CCDC7: variants seen among roughly 807,000 people sequenced by gnomAD.
CCDC7 encodes coiled-coil domain containing 7, also known as coiled-coil domain-containing protein 7.
CCDC7 carries 183 observed loss-of-function variants against 196.9 expected under a neutral mutation model. The ratio of observed to expected loss-of-function variants is 0.93; its 90% CI spans 0.82 to 1.05. The LOEUF is 1.05. Ranked by LOEUF, CCDC7 falls within the 50% of genes least tolerant of loss-of-function variation. The probability of loss-of-function intolerance (pLI) is 0.00; values close to 1 mark genes in which losing one functional copy is unlikely to be tolerated. For synonymous variants in CCDC7, 525 were observed against 484.6 expected (o/e 1.08, Z -1.10); for missense variants, 1,540 against 1,482.2 (o/e 1.04, Z -0.64).
chr10:32,782,223 T>TG (rs1364180146), intron 29 of CCDC7, among the ~76,000 whole-genome samples: 6 of 22,666 alleles, frequency 2.6e-4, no homozygotes, highest in African/African-American at 3.1e-4. Flanking sequence ...AACTTGTTTT[T>TG]TTTTTGTTTT....
chr10:32,727,000 T>C (rs1184562823), intron 26 of CCDC7, among the ~76,000 whole-genome samples, 168 bp downstream of exon 27: 1 of 152,128 alleles, frequency 6.6e-6, no homozygotes, highest in Non-Finnish European at 1.5e-5. Flanking sequence ...AATGTTAACT[T>C]CATGTTGGAG....
At chr10:32,533,218 T>A (rs537538209) in intron 11 of CCDC7, among the ~76,000 whole-genome samples, 2 of 138,150 alleles carry the variant, frequency 1.4e-5, no homozygotes, top group Non-Finnish European at 1.6e-5. Context: ...TTATCTTTAA[T>A]CCCAAATAAA....
intron 13 of CCDC7, among the ~76,000 whole-genome samples, chr10:32,553,036 T>A (rs1008059063): frequency 7.2e-5 from 11 of 151,782 alleles, no homozygotes; most frequent in Admixed American, 5.2e-4. Context: ...TAGAATTCTC[T>A]TCTTCCTCAG....
chr10:32,851,855 C>G, exon 40 of CCDC7: 1 of 1,612,494 alleles, frequency 6.2e-7, no homozygotes, highest in Non-Finnish European at 8.5e-7. Context: ...CCTTCAAAAG[C>G]AATTTATAGA....
chr10:32,873,296 CATT>C (rs1247529911), intron 41 of CCDC7, among the ~76,000 whole-genome samples: 1 of 152,040 alleles, frequency 6.6e-6, no homozygotes. Flanking sequence ...GATCTTCCAT[CATT>C]GATACCCTTT....
intron 13 of CCDC7, among the ~76,000 whole-genome samples, chr10:32,564,756 A>G (rs573535717): frequency 6.6e-6 from 1 of 152,192 alleles, no homozygotes; most frequent in South Asian, 2.1e-4. Flanking sequence ...TACATATGTA[A>G]CTAACCTGCA....
chr10:32,508,057 G>A (rs1476146470), intron 9 of CCDC7, among the ~76,000 whole-genome samples: 1 of 152,110 alleles, frequency 6.6e-6, no homozygotes, highest in Non-Finnish European at 1.5e-5. Flanking sequence ...GAAATTAAAG[G>A]TATCCAAATC....
At chr10:32,776,603 C>T (rs1296671493) in intron 28 of CCDC7, among the ~76,000 whole-genome samples, 1 of 152,096 alleles carries the variant, frequency 6.6e-6, no homozygotes, top group Non-Finnish European at 1.5e-5. Context: ...CTATTTCCCT[C>T]ATCTGTTAAA....
At chr10:32,743,767 A>G (rs1388096755) in intron 28 of CCDC7, among the ~76,000 whole-genome samples, 2 of 152,126 alleles carry the variant, frequency 1.3e-5, no homozygotes, top group Non-Finnish European at 2.9e-5. Context: ...AGACTGGATT[A>G]AGAAAATGTG....
chr10:32,637,855 C>A (rs574042231), intron 20 of CCDC7, among the ~76,000 whole-genome samples: 1 of 152,154 alleles, frequency 6.6e-6, no homozygotes, highest in Admixed American at 6.5e-5. Flanking sequence ...ATTCTTCCTT[C>A]CCATGAGCAT....
At chr10:32,512,027 C>T in intron 9 of CCDC7, 1 of 367,884 alleles carries the variant, frequency 2.7e-6, no homozygotes, top group Non-Finnish European at 5.0e-6. Context: ...TCTTCAGGAT[C>T]TTGTCAGTGC....
chr10:32,536,628 C>A (rs1330581899), intron 11 of CCDC7, among the ~76,000 whole-genome samples: 1 of 152,020 alleles, frequency 6.6e-6, no homozygotes, highest in Non-Finnish European at 1.5e-5. Context: ...AAGCATAGTA[C>A]CAGATAGGTA....
At chr10:32,801,130 A>G (rs962031633) in intron 29 of CCDC7, among the ~76,000 whole-genome samples, 2 of 152,204 alleles carry the variant, frequency 1.3e-5, no homozygotes. Flanking sequence ...TAAGATCGGC[A>G]TACAGAGAAG....
At chr10:32,745,550 T>C (rs2074574035) in intron 28 of CCDC7, among the ~76,000 whole-genome samples, 1 of 152,156 alleles carries the variant, frequency 6.6e-6, no homozygotes, top group African/African-American at 2.4e-5. Context: ...GAGAACTCAC[T>C]GATTATTACT....
chr10:32,518,706 A>AGC lies in CCDC7; in HGVS notation c.993+201_993+202insGC, dbSNP rs1274700456. On this transcript the variant is annotated intron_variant, in intron 11 of 41. Transcript: ENST00000639629. ...CAAAACCAAAAGGATGCCATGAAAA[A>AGC]ACATAAAATTTAAACATCTGAAAAG... 6.8e-3 allele frequency among the ~76,000 whole-genome samples: 18 copies of AGC among 2,666 alleles called. No individual in the cohort carries two copies. In the Admixed American group the frequency reaches 0.092, roughly 14 times the overall value. 1.7% of individuals were successfully genotyped at this position (2,666 alleles called of 152,430 possible).
intron 20 of CCDC7, among the ~76,000 whole-genome samples, chr10:32,638,677 T>C (rs571379977): frequency 4.1e-4 from 62 of 152,350 alleles, no homozygotes; most frequent in African/African-American, 1.5e-3. Flanking sequence ...TCAAGGATAT[T>C]GGTCTAAAAT....
intron 28 of CCDC7, among the ~76,000 whole-genome samples, chr10:32,747,067 T>C (rs1297518560): frequency 6.6e-6 from 1 of 152,156 alleles, no homozygotes; most frequent in African/African-American, 2.4e-5. Flanking sequence ...AACTGAGTGT[T>C]GTTGCCAGCA....
chr10:32,606,446 C>T (rs2061565925), intron 18 of CCDC7, among the ~76,000 whole-genome samples: 2 of 152,206 alleles, frequency 1.3e-5, no homozygotes, highest in South Asian at 2.1e-4. Flanking sequence ...ATGGTAGATC[C>T]ACTGGCAGCT....
intron 13 of CCDC7, among the ~76,000 whole-genome samples, chr10:32,562,080 A>T (rs1407132203): frequency 2.0e-5 from 3 of 152,188 alleles, no homozygotes; most frequent in African/African-American, 7.2e-5. Context: ...CGACACATAC[A>T]CCCTCCCAAG....
Sources: allele counts gnomAD v4.1 joint callset (sites outside exome capture counted in the v4.1 genomes callset), GRCh38; gene constraint gnomAD v4.1.1; transcripts MANE v1.5; gene names NCBI Gene and HGNC (gene_info 2026-07-23, HGNC 2026-07-21).